Variants in BMPR1A observed in about 807,000 individuals in gnomAD.
BMPR1A encodes bone morphogenetic protein receptor type 1A.
BMPR1A carries 7 observed loss-of-function variants against 66.0 expected under a neutral mutation model. The ratio of observed to expected loss-of-function variants is 0.11; its 90% CI spans 0.06 to 0.20. The LOEUF (loss-of-function observed/expected upper bound fraction) is 0.20. Among genes scored for constraint, BMPR1A ranks in the 10% least tolerant of loss-of-function variants. The pLI is 1.00. For missense variants in BMPR1A, 408 were observed against 669.1 expected, an observed-to-expected ratio of 0.61 and a Z score of 4.31; for synonymous variants, 200 against 229.7, an observed-to-expected ratio of 0.87 and a Z score of 1.17.
At chr10:86,769,668 A>C (rs980312500) in intron 1 of BMPR1A, among the ~76,000 whole-genome samples, 2 of 152,196 alleles carry the variant, frequency 1.3e-5, no homozygotes, top group Non-Finnish European at 2.9e-5. Flanking sequence ...AGCAGGGAGC[A>C]CTGTAGTTTT....
At chr10:86,772,749 G>A (rs146146855) in intron 1 of BMPR1A, among the ~76,000 whole-genome samples, 1 of 152,026 alleles carries the variant, frequency 6.6e-6, no homozygotes, top group South Asian at 2.1e-4. Context: ...AATTGGTTAT[G>A]GCATGTAGAC....
intron 3 of BMPR1A, among the ~76,000 whole-genome samples, chr10:86,888,328 C>T (rs1023476943): frequency 2.0e-5 from 3 of 151,716 alleles, no homozygotes; most frequent in African/African-American, 7.3e-5. Context: ...ATTAGCTAGG[C>T]GTTGTGTGGG....
intron 3 of BMPR1A, among the ~76,000 whole-genome samples, chr10:86,885,045 C>A (rs758227532): frequency 6.6e-6 from 1 of 152,160 alleles, no homozygotes; most frequent in Admixed American, 6.5e-5. Flanking sequence ...GCCGCAAAAT[C>A]TTTTCTTTTC....
At chr10:86,891,075 T>G (rs1455248209) in intron 4 of BMPR1A, among the ~76,000 whole-genome samples, 1 of 152,204 alleles carries the variant, frequency 6.6e-6, no homozygotes, top group Non-Finnish European at 1.5e-5. Flanking sequence ...GTTCCCTGAA[T>G]GGACCAGATA....
At chr10:86,805,683 G>T (rs1192250488) in intron 1 of BMPR1A, among the ~76,000 whole-genome samples, 2 of 151,894 alleles carry the variant, frequency 1.3e-5, no homozygotes, top group Non-Finnish European at 2.9e-5. Flanking sequence ...GGATGGTCTC[G>T]ATCTTCTGAC....
At chr10:86,881,539 A>G (rs937290270) in intron 3 of BMPR1A, among the ~76,000 whole-genome samples, 1 of 152,200 alleles carries the variant, frequency 6.6e-6, no homozygotes, top group Non-Finnish European at 1.5e-5. Flanking sequence ...CCCACAACAT[A>G]CAGAGCAGCT....
At chr10:86,897,038 A>T (rs757962912) in intron 5 of BMPR1A, among the ~76,000 whole-genome samples, 2 of 151,858 alleles carry the variant, frequency 1.3e-5, no homozygotes, top group Admixed American at 6.6e-5. Flanking sequence ...GCGTTCTTCC[A>T]CTCCCCAGGC....
intron 8 of BMPR1A, among the ~76,000 whole-genome samples, chr10:86,913,810 A>G (rs1228902221): frequency 6.6e-6 from 1 of 152,208 alleles, no homozygotes; most frequent in East Asian, 1.9e-4. Context: ...AAATCTGAGG[A>G]CTCAGTATTA....
chr10:86,876,821 AGATAACTGACACTTGTCT>A (rs1257403059), intron 3 of BMPR1A, among the ~76,000 whole-genome samples: 2 of 152,190 alleles, frequency 1.3e-5, no homozygotes, highest in Non-Finnish European at 2.9e-5. Context: ...GACTTTAGAA[AGATAACTGACACTTGTCT>A]GTGCTGAATA....
At chr10:86,819,602 A>G (rs1273344500) in intron 1 of BMPR1A, among the ~76,000 whole-genome samples, 1 of 152,198 alleles carries the variant, frequency 6.6e-6, no homozygotes, top group South Asian at 2.1e-4. Flanking sequence ...CCCGGCCACA[A>G]CTTGAATTTT....
rs549145473 is a variant in BMPR1A, at chr10:86,884,041, A to G, written c.68-6021A>G. Among the ~76,000 whole-genome samples the G allele has an allele frequency of 1.8e-4, 28 of 151,730 alleles. No individual in the cohort carries two copies. The South Asian group carries it at 5.2e-3, about 28-fold the overall frequency. On this transcript the variant is annotated intron_variant, in intron 3 of 12. Transcript: ENST00000372037. ...AGGTAGACACCACCACACTCGGCTA[A>G]TTTTTGTATTTTTAGTAGGGTTTCG... is the stretch of plus-strand genomic sequence containing the variant.
intron 1 of BMPR1A, among the ~76,000 whole-genome samples, chr10:86,778,793 A>T (rs919008934): frequency 6.6e-6 from 1 of 151,770 alleles, no homozygotes; most frequent in Non-Finnish European, 1.5e-5. Context: ...TGTTTTACTT[A>T]TAAGTTTTTT....
At chr10:86,860,048 C>T (rs186824968) in intron 2 of BMPR1A, among the ~76,000 whole-genome samples, 2 of 152,166 alleles carry the variant, frequency 1.3e-5, no homozygotes, top group Admixed American at 6.5e-5. Flanking sequence ...GTGGCATGCA[C>T]CTGTAGTTGG....
intron 11 of BMPR1A, among the ~76,000 whole-genome samples, chr10:86,922,985 T>C (rs926586780): frequency 6.6e-6 from 1 of 152,278 alleles, no homozygotes; most frequent in South Asian, 2.1e-4. Context: ...TGAACCCTTA[T>C]CTGCACCTCA....
rs1312891293 is a variant in BMPR1A, at chr10:86,799,497, CCTTCCTTCCTTTCTTTT to C, written c.-267-39364_-267-39348del. ...TCCTTCCTTCCTTCCTTCCTTCCTT[CCTTCCTTCCTTTCTTTT>C]CTTTTCTTTTCTTTTCTTTCTTTTC... On this transcript the variant is annotated intron_variant, in intron 1 of 12. Coordinates refer to ENST00000372037, the MANE Select transcript of BMPR1A (RefSeq NM_004329.3). Among the ~76,000 whole-genome samples the C allele has an allele frequency of 1.3e-4, 14 of 109,830 alleles. No individual in the cohort carries two copies. The South Asian group carries it at 3.7e-3, about 29-fold the overall frequency. The allele number at this position is 109,830 out of a possible 152,430, so 72.1% of individuals were successfully genotyped here. A position where few individuals can be genotyped will look rare whatever the true frequency, so the allele number is the denominator to read the frequency against.
chr10:86,835,653 C>G (rs1842336735), intron 1 of BMPR1A, among the ~76,000 whole-genome samples: 1 of 136,444 alleles, frequency 7.3e-6, no homozygotes, highest in African/African-American at 2.8e-5. Context: ...GCAAATCTTA[C>G]TAATAATAGA....
intron 2 of BMPR1A, among the ~76,000 whole-genome samples, chr10:86,851,754 G>A (rs985301870): frequency 1.3e-5 from 2 of 152,158 alleles, no homozygotes; most frequent in African/African-American, 2.4e-5. Flanking sequence ...AAGGGAGAGC[G>A]GCTGCACTGA....
At chr10:86,790,667 A>G (rs573329212) in intron 1 of BMPR1A, among the ~76,000 whole-genome samples, 2 of 136,536 alleles carry the variant, frequency 1.5e-5, no homozygotes, top group African/African-American at 4.9e-5. Flanking sequence ...GAAAACATTA[A>G]TGCAGGTTGA....
In BMPR1A at chr10:86,825,093, T is replaced by TC. The variant is rs397798492; in HGVS notation, c.-267-13770dup. Reference sequence around the variant, plus strand: ...AGAAATGACATTCTTTTTTTTTTTTTCCTTGCTTTTTGTTTGTTTGTTTGT... The same window carrying TC: ...AGAAATGACATTCTTTTTTTTTTTTTCCCTTGCTTTTTGTTTGTTTGTTTGT... On this transcript the variant is annotated intron_variant, in intron 1 of 12. Coordinates refer to ENST00000372037, the MANE Select transcript of BMPR1A (RefSeq NM_004329.3). 7.3e-4 allele frequency among the ~76,000 whole-genome samples: 111 copies of TC among 151,400 alleles called. 1 individual carries two copies. The South Asian group carries it at 0.022, about 29-fold the overall frequency.
Sources: allele counts gnomAD v4.1 joint callset (sites outside exome capture counted in the v4.1 genomes callset), GRCh38; gene constraint gnomAD v4.1.1; transcripts MANE v1.5; gene names NCBI Gene and HGNC (gene_info 2026-07-23, HGNC 2026-07-21).